NRP2: variants seen among roughly 807,000 people sequenced by gnomAD.
The protein encoded by NRP2 is neuropilin-2.
In NRP2, 52 loss-of-function variants were observed where a neutral mutation model predicts 110.4. That is an observed-to-expected ratio of 0.47 (90% confidence interval 0.38 to 0.59). The LOEUF (loss-of-function observed/expected upper bound fraction) is 0.59, where lower values mean the gene tolerates loss of function less well. Ranked by LOEUF, NRP2 falls within the 20% of genes least tolerant of loss-of-function variation. The pLI is 0.00. For missense variants in NRP2, 1,049 were observed against 1,203.0 expected (o/e 0.87, Z 1.89); for synonymous variants, 508 against 468.9 (o/e 1.08, Z -1.08).
In NRP2 at chr2:205,752,771, A is replaced by G. The variant is rs1231352985; in HGVS notation, c.1904-64A>G. On this transcript the variant is annotated intron_variant, in intron 11 of 16. Coordinates refer to ENST00000357785, the MANE Select transcript of NRP2 (RefSeq NM_003872.3). ...CCTTGCCAGCCATTTAAATAGTACC[A>G]CTGTGGCTGTTCTCTGAACCCATTT... The G allele has an allele frequency of 2.6e-6, 4 of 1,567,362 alleles. No homozygotes were observed. The Admixed American group carries it at 6.7e-5, about 26-fold the overall frequency.
chr2:205,783,077 C>A (rs1196344817), intron 15 of NRP2, among the ~76,000 whole-genome samples: 1 of 152,054 alleles, frequency 6.6e-6, no homozygotes. Flanking sequence ...AGAGCCCCTG[C>A]CACATCTGCC....
At chr2:205,771,558 C>G (rs1025816353) in intron 15 of NRP2, among the ~76,000 whole-genome samples, 1 of 152,196 alleles carries the variant, frequency 6.6e-6, no homozygotes, top group Non-Finnish European at 1.5e-5. Context: ...AACACTTCTT[C>G]TGGAAACCTG....
In NRP2 at chr2:205,734,960, T is replaced by C. The variant is rs189033821; in HGVS notation, c.1147-5559T>C. On this transcript the variant is annotated intron_variant, in intron 7 of 16. Transcript: ENST00000357785. ...GTTCACACCATAGGTAATGAAGAGA[T>C]GGGAGTGTGCAAGCTGAGTGCTGAA... Among the ~76,000 whole-genome samples, 85 of 152,140 alleles carry C rather than the reference T, an allele frequency of 5.6e-4. No individual in the cohort carries two copies. In the East Asian group the frequency reaches 7.7e-3, roughly 14 times the overall value.
At chr2:205,744,694 G>A (rs959164038) in intron 9 of NRP2, among the ~76,000 whole-genome samples, 7 of 152,164 alleles carry the variant, frequency 4.6e-5, no homozygotes, top group South Asian at 2.1e-4. Flanking sequence ...TGCATGTCTC[G>A]GGGCCACCTT....
At chr2:205,759,014 A>C (rs2105909863) in intron 12 of NRP2, among the ~76,000 whole-genome samples, 1 of 152,276 alleles carries the variant, frequency 6.6e-6, no homozygotes, top group Non-Finnish European at 1.5e-5. Flanking sequence ...GTGGGCCATA[A>C]ATCGGGAGAT....
intron 2 of NRP2, among the ~76,000 whole-genome samples, chr2:205,698,156 C>A (rs2056475071): frequency 1.3e-5 from 2 of 151,516 alleles, no homozygotes; most frequent in Non-Finnish European, 2.9e-5. Context: ...TCGCATCCAG[C>A]CACGCAGGAT....
intron 11 of NRP2, among the ~76,000 whole-genome samples, chr2:205,750,088 C>T (rs2057616724): frequency 6.6e-6 from 1 of 152,208 alleles, no homozygotes; most frequent in African/African-American, 2.4e-5. Context: ...TCAGGTGAGA[C>T]AAGGATGACT....
At position 205,695,208 on chromosome 2, in the gene NRP2, A is replaced by G. The variant is rs973136584; in HGVS notation, c.74-2336A>G. Among the ~76,000 whole-genome samples the G allele has an allele frequency of 8.5e-5, 13 of 152,236 alleles. No homozygotes were observed. In the South Asian group the frequency reaches 1.2e-3, roughly 15 times the overall value. ...TTTCTCCAGGTAAAGAAAGGATAGA[A>G]AAAAAGCAATGGATGACTCCTTTTT... On this transcript the variant is annotated intron_variant, in intron 1 of 16. Coordinates refer to ENST00000357785, the MANE Select transcript of NRP2 (RefSeq NM_003872.3).
At chr2:205,727,557 G>A (rs780142183) in intron 6 of NRP2, among the ~76,000 whole-genome samples, 47 of 152,176 alleles carry the variant, frequency 3.1e-4, no homozygotes, top group Non-Finnish European at 5.9e-4. Flanking sequence ...AGCAGCATCT[G>A]CTTCCACAGT....
chr2:205,730,144 C>T (rs374347395), intron 7 of NRP2, among the ~76,000 whole-genome samples: 12 of 152,208 alleles, frequency 7.9e-5, no homozygotes, highest in South Asian at 4.1e-4. Context: ...GTGTGGTGGA[C>T]GCCCAGGGGC....
At chr2:205,696,345 C>A (rs996125704) in intron 1 of NRP2, among the ~76,000 whole-genome samples, 4 of 152,134 alleles carry the variant, frequency 2.6e-5, no homozygotes, top group African/African-American at 4.8e-5. Context: ...GCTGCTGAGT[C>A]GTAATACATA....
chr2:205,766,887 C>A, intron 15 of NRP2, 84 bp downstream of exon 15: 3 of 1,273,162 alleles, frequency 2.4e-6, no homozygotes, highest in Non-Finnish European at 3.4e-6. Context: ...TGGGGGGAAT[C>A]AACCTCCAAA....
At chr2:205,701,005 A>C in intron 2 of NRP2, 1 of 237,884 alleles carries the variant, frequency 4.2e-6, no homozygotes, top group Non-Finnish European at 8.6e-6. Flanking sequence ...GGATGCTAGG[A>C]TGTTGCTGCT....
In NRP2 at chr2:205,740,626, C is replaced by T. The variant is rs748456370; in HGVS notation, c.1254C>T (p.Ile418=). 74 of 1,614,082 alleles carry T rather than the reference C, an allele frequency of 4.6e-5. No individual in the cohort carries two copies. Among genetic ancestry groups the T allele is most frequent in the African/African-American group, 6.7e-5 (5 of 74,932 alleles). ...RIRPQTWHSG[I]ALRLELFGCR... ...GCCCTCAGACCTGGCACTCAGGTAT[C>T]GCCCTCCGGCTGGAGCTCTTCGGCT... The change falls in exon 8 of 17, where the codon ATC becomes ATT. Residue 418 remains isoleucine (I), a synonymous_variant. Coordinates refer to ENST00000357785, the MANE Select transcript of NRP2 (RefSeq NM_003872.3).
rs1309571553 is a variant in NRP2, at chr2:205,725,571, T to A, written c.821-342T>A. ...GCTCACCCAAATCGCCACGAGTCTA[T>A]CTCACATTTACCTGTATTGCAGTAA... On this transcript the variant is annotated intron_variant, in intron 5 of 16. Transcript: ENST00000357785. The surrounding 1 kb of genome is among the most constrained non-coding windows in gnomAD (Gnocchi z 4.1). Among the ~76,000 whole-genome samples, 1 of 152,240 alleles carries A rather than the reference T, an allele frequency of 6.6e-6. No individual in the cohort carries two copies. Among genetic ancestry groups the A allele is most frequent in the African/African-American group, 2.4e-5 (1 of 41,468 alleles).
At chr2:205,753,351 G>A (rs989646158) in intron 12 of NRP2, among the ~76,000 whole-genome samples, 2 of 152,168 alleles carry the variant, frequency 1.3e-5, no homozygotes, top group African/African-American at 2.4e-5. Flanking sequence ...CTTCGAGCTG[G>A]GTACTGTTCC....
intron 1 of NRP2, among the ~76,000 whole-genome samples, chr2:205,694,646 A>G (rs1362160463): frequency 6.6e-6 from 1 of 152,216 alleles, no homozygotes; most frequent in African/African-American, 2.4e-5. Context: ...CTCCTCTGAA[A>G]CAGAACAGCA....
chr2:205,749,784 C>G lies in NRP2; in HGVS notation c.1846C>G (p.Pro616Ala), dbSNP rs377485442. 3.1e-6 allele frequency: 5 copies of G among 1,614,042 alleles called. No individual in the cohort carries two copies. The African/African-American group carries it at 5.3e-5, about 17-fold the overall frequency. The change falls in exon 11 of 17, where the codon CCC (proline) becomes GCC (alanine). Residue 616 changes from proline to alanine, a missense_variant. Coordinates refer to ENST00000357785, the MANE Select transcript of NRP2 (RefSeq NM_003872.3). ...TGTGAAGAGCGAAGAGACAACCACC[C>G]CCTACCCCACCGAAGAGGAGGCCAC... is the stretch of plus-strand genomic sequence containing the variant. ...PTVKSEETTTPYPTEEEATEC... is the reference protein window; with the variant it reads ...PTVKSEETTTAYPTEEEATEC...
chr2:205,765,404 C>G, intron 13 of NRP2, 70 bp from the exon 14 acceptor site: 1 of 1,322,122 alleles, frequency 7.6e-7, no homozygotes, highest in Non-Finnish European at 1.1e-6. Context: ...CTAACAGAAA[C>G]TTGGAAATCC....
Sources: gnomAD v4.1 joint callset for allele counts (sites outside exome capture counted in the v4.1 genomes callset) on GRCh38, gnomAD v4.1.1 for gene constraint, Gnocchi (gnomAD v3.1) non-coding constraint, MANE v1.5 for transcripts, NCBI Gene and HGNC (gene_info 2026-07-23, HGNC 2026-07-21) for gene names.